The following SLC39A10 variants were observed in gnomAD, a reference collection of about 807,000 sequenced individuals.
The protein encoded by SLC39A10 is solute carrier family 39 member 10, also known as zinc transporter ZIP10.
Under a neutral mutation model 65.1 loss-of-function variants are expected in SLC39A10, and 13 were observed. The ratio of observed to expected loss-of-function variants is 0.20; its 90% CI spans 0.13 to 0.32. The LOEUF is 0.32. Among genes scored for constraint, SLC39A10 ranks in the 10% least tolerant of loss-of-function variants. The pLI is 1.00. For synonymous variants in SLC39A10, 321 were observed against 342.2 expected, an observed-to-expected ratio of 0.94 and a Z score of 0.68; for missense variants, 831 against 1,018.4, an observed-to-expected ratio of 0.82 and a Z score of 2.50.
chr2:195,649,696 T>C (rs1446672510), intron 2 of SLC39A10, among the ~76,000 whole-genome samples: 1 of 152,262 alleles, frequency 6.6e-6, no homozygotes, highest in Non-Finnish European at 1.5e-5. Flanking sequence ...TTTGCCATAT[T>C]CATGTGGATA....
At chr2:195,688,553 T>C (rs1412698864) in intron 3 of SLC39A10, among the ~76,000 whole-genome samples, 3 of 152,232 alleles carry the variant, frequency 2.0e-5, no homozygotes, top group African/African-American at 7.2e-5. Context: ...CTGAAGTTTT[T>C]TTAAAATTAA....
intron 9 of SLC39A10, among the ~76,000 whole-genome samples, chr2:195,729,511 C>G (rs1305404961): frequency 6.6e-6 from 1 of 152,136 alleles, no homozygotes; most frequent in Non-Finnish European, 1.5e-5. Context: ...TTCTGCTTAC[C>G]TTGCTGTATC....
intron 9 of SLC39A10, among the ~76,000 whole-genome samples, chr2:195,730,127 C>T (rs942106051): frequency 1.3e-5 from 2 of 151,714 alleles, no homozygotes; most frequent in South Asian, 2.1e-4. Context: ...TTAAATTTTC[C>T]TCTTTTTTTG....
At chr2:195,699,496 G>C (rs1691097617) in intron 3 of SLC39A10, among the ~76,000 whole-genome samples, 2 of 151,824 alleles carry the variant, frequency 1.3e-5, no homozygotes, top group South Asian at 4.2e-4. Flanking sequence ...GTTTTCATTT[G>C]TCTCTTAAGT....
chr2:195,729,872 C>T (rs1002725897), intron 9 of SLC39A10, among the ~76,000 whole-genome samples: 2 of 151,772 alleles, frequency 1.3e-5, no homozygotes, highest in East Asian at 1.9e-4. Context: ...AATCATAGCT[C>T]ACTGCAGACT....
intron 1 of SLC39A10, among the ~76,000 whole-genome samples, chr2:195,677,894 C>T (rs1324530999): frequency 2.0e-5 from 3 of 151,980 alleles, no homozygotes; most frequent in Non-Finnish European, 1.5e-5. Flanking sequence ...GGCTTACAGG[C>T]ACATGCCACC....
At chr2:195,676,802 C>G (rs1382588345) in intron 1 of SLC39A10, among the ~76,000 whole-genome samples, 1 of 152,054 alleles carries the variant, frequency 6.6e-6, no homozygotes, top group Non-Finnish European at 1.5e-5. Flanking sequence ...GAAGTCTCAC[C>G]AAAACTAAAC....
chr2:195,703,142 C>G lies in SLC39A10; in HGVS notation c.1217-3474C>G, dbSNP rs1045784344. ...CTCCTCCCTCCCCTTTGAAATACCC[C>G]CTATCTCATAGAACTAATGAGCTCA... On this transcript the variant is annotated intron_variant, in intron 3 of 9. Transcript: ENST00000359634. 2.6e-5 allele frequency among the ~76,000 whole-genome samples: 4 copies of G among 152,250 alleles called. No individual in the cohort carries two copies. In the East Asian group the frequency reaches 7.7e-4, roughly 29 times the overall value.
Position 195,728,097 on chromosome 2 carries a change from C to T in SLC39A10, c.2147-62C>T, listed in dbSNP as rs1004610316. ...TAATGCTGATTTTATTTGTTTTCTC[C>T]TTTCAGATTTGTGTTTTAAATCCTG... On this transcript the variant is annotated intron_variant, in intron 8 of 9. Coordinates refer to ENST00000359634, the MANE Select transcript of SLC39A10 (RefSeq NM_020342.3). The surrounding 1 kb of genome is among the most constrained non-coding windows in gnomAD (Gnocchi z 4.4). The T allele has an allele frequency of 1.2e-5, 17 of 1,434,148 alleles. No homozygotes were observed. The highest frequency in any genetic ancestry group is 1.6e-5 in the Non-Finnish European group (17 of 1,046,932). 88.8% of individuals were successfully genotyped at this position (1,434,148 alleles called of 1,614,324 possible).
chr2:195,713,913 G>A (rs1312889659), intron 6 of SLC39A10, among the ~76,000 whole-genome samples: 1 of 151,070 alleles, frequency 6.6e-6, no homozygotes, highest in Non-Finnish European at 1.5e-5. Context: ...ACAGACCACA[G>A]GTTATGCATG....
intron 3 of SLC39A10, among the ~76,000 whole-genome samples, chr2:195,697,421 T>A (rs1041110991): frequency 1.3e-5 from 2 of 152,206 alleles, no homozygotes; most frequent in African/African-American, 4.8e-5. Context: ...ATTTTGTAGT[T>A]TTCTTTTTTA....
intron 1 of SLC39A10, among the ~76,000 whole-genome samples, chr2:195,662,380 T>C (rs1689443030): frequency 6.6e-6 from 1 of 151,920 alleles, no homozygotes; most frequent in South Asian, 2.1e-4. Flanking sequence ...GTCATCCCCT[T>C]ACCTCATCCT....
At chr2:195,662,771 A>G (rs1030503427) in intron 1 of SLC39A10, among the ~76,000 whole-genome samples, 13 of 152,206 alleles carry the variant, frequency 8.5e-5, no homozygotes, top group African/African-American at 3.1e-4. Context: ...TCAGCAAACT[A>G]TGGGCCAAAT....
chr2:195,718,320 C>A lies in SLC39A10; in HGVS notation c.2134C>A (p.Pro712Thr). ...TSIAVFCHELPHELGDFAVLL... is the reference protein window; with the variant it reads ...TSIAVFCHELTHELGDFAVLL... ...TATAGCCGTCTTCTGTCATGAACTG[C>A]CACATGAATTAGGTAATATAACCTT... The change falls in exon 8 of 10, where the codon CCA becomes ACA. Residue 712 changes from proline (P) to threonine (T), a missense_variant. Transcript: ENST00000359634. The A allele has an allele frequency of 6.2e-7, 1 of 1,605,628 alleles. No individual in the cohort carries two copies. Among genetic ancestry groups the A allele is most frequent in the Non-Finnish European group, 8.5e-7 (1 of 1,173,874 alleles).
chr2:195,665,020 C>G (rs889947975), intron 1 of SLC39A10, among the ~76,000 whole-genome samples: 1 of 152,006 alleles, frequency 6.6e-6, no homozygotes, highest in Non-Finnish European at 1.5e-5. Flanking sequence ...ACCATCTCGA[C>G]AAAAAATTTA....
Position 195,716,817 on chromosome 2 carries a change from A to G in SLC39A10, c.1877A>G (p.His626Arg). ...IHEHDLHAAA[H>R]NHHGENKTVL... Reference sequence around the variant, plus strand: ...GAGCATGATCTCCATGCTGCTGCACATAACCACCACGGCGAGAACAAAACT... The same window carrying G: ...GAGCATGATCTCCATGCTGCTGCACGTAACCACCACGGCGAGAACAAAACT... Residue 626 changes from histidine to arginine, a missense_variant, in exon 7 of 10, where the codon CAT becomes CGT. Transcript: ENST00000359634. 9 of 1,614,224 alleles carry G rather than the reference A, an allele frequency of 5.6e-6. No individual in the cohort carries two copies. The highest frequency in any genetic ancestry group is 7.6e-6 in the Non-Finnish European group (9 of 1,180,032).
chr2:195,715,636 A>G (rs1343676919), intron 6 of SLC39A10, among the ~76,000 whole-genome samples: 1 of 152,054 alleles, frequency 6.6e-6, no homozygotes, highest in Non-Finnish European at 1.5e-5. Context: ...GCATAGGTGT[A>G]TGCTTTCTGT....
chr2:195,714,701 T>C (rs62203608), intron 6 of SLC39A10, among the ~76,000 whole-genome samples: 13,234 of 152,310 alleles, frequency 0.087, 637 homozygotes, highest in African/African-American at 0.11. Context: ...TTTAATACTT[T>C]ACATTATTAA....
chr2:195,720,654 T>C (rs952564425), intron 8 of SLC39A10, among the ~76,000 whole-genome samples: 2 of 152,238 alleles, frequency 1.3e-5, no homozygotes, highest in Non-Finnish European at 2.9e-5. Flanking sequence ...AATATATTAG[T>C]GCATACTTGG....
Sources: allele counts gnomAD v4.1 joint callset (sites outside exome capture counted in the v4.1 genomes callset), GRCh38; gene constraint gnomAD v4.1.1; non-coding constraint Gnocchi (gnomAD v3.1); transcripts MANE v1.5; gene names NCBI Gene and HGNC (gene_info 2026-07-23, HGNC 2026-07-21).